Variants in GSE1 observed in about 807,000 individuals in gnomAD.
GSE1 encodes genetic suppressor element 1.
Under a neutral mutation model 112.6 loss-of-function variants are expected in GSE1, and 32 were observed. That is an observed-to-expected ratio of 0.28 (90% CI 0.21 to 0.38). The LOEUF is 0.38. Among genes scored for constraint, GSE1 ranks in the 10% least tolerant of loss-of-function variants. The pLI, the probability that GSE1 is intolerant of heterozygous loss-of-function variation, is 1.00. For synonymous variants in GSE1, 1,115 were observed against 735.6 expected (o/e 1.52, Z -8.35); for missense variants, 2,348 against 1,699.2 (o/e 1.38, Z -6.71).
chr16:85,223,998 T>C (rs1359607386), intron 1 of GSE1, among the ~76,000 whole-genome samples: 3 of 152,012 alleles, frequency 2.0e-5, no homozygotes, highest in Non-Finnish European at 4.4e-5. Context: ...TCCAGAACTT[T>C]TATCATCACC....
intron 1 of GSE1, among the ~76,000 whole-genome samples, chr16:85,309,908 G>T (rs895877574): frequency 1.3e-5 from 2 of 151,952 alleles, no homozygotes; most frequent in Non-Finnish European, 2.9e-5. Context: ...ACCCCCTCAC[G>T]CCCCAGCTCA....
chr16:85,517,649 C>T (rs999168967), intron 2 of GSE1, among the ~76,000 whole-genome samples: 40 of 152,224 alleles, frequency 2.6e-4, no homozygotes, highest in African/African-American at 9.4e-4. Context: ...CCTCCAGCCC[C>T]GGCAGCCTTT....
Position 85,536,648 on chromosome 16 carries a change from T to C in GSE1, c.2465-97266T>C, listed in dbSNP as rs543563473. 5.2e-3 allele frequency among the ~76,000 whole-genome samples: 791 copies of C among 152,362 alleles called. 9 individuals carry two copies. Among genetic ancestry groups the C allele is most frequent in the African/African-American group, 0.018 (738 of 41,592 alleles). Reference sequence around the variant, plus strand: ...GTACCGCGAGGCCACGGGCCCTGCATGGCAGTGGCTTGGAACCCAGGCCCT... The same window carrying C: ...GTACCGCGAGGCCACGGGCCCTGCACGGCAGTGGCTTGGAACCCAGGCCCT... On this transcript the variant is annotated intron_variant, in intron 2 of 2. Transcript: ENST00000637419.
At chr16:85,331,353 G>GTATA (rs1567692446) in intron 1 of GSE1, among the ~76,000 whole-genome samples, 3 of 71,778 alleles carry the variant, frequency 4.2e-5, no homozygotes, top group Admixed American at 1.6e-4. Flanking sequence ...GTGTGTGTGT[G>GTATA]TGTGTGTGTG....
chr16:85,212,204 G>A (rs372836028), intron 1 of GSE1, among the ~76,000 whole-genome samples: 6 of 152,198 alleles, frequency 3.9e-5, no homozygotes, highest in African/African-American at 1.4e-4. Flanking sequence ...TCAGGAGATC[G>A]AGACCAGCCT....
At chr16:85,175,571 C>T (rs1023166903) in intron 1 of GSE1, among the ~76,000 whole-genome samples, 12 of 152,210 alleles carry the variant, frequency 7.9e-5, no homozygotes, top group African/African-American at 7.2e-5. Context: ...CCCTTCCCCC[C>T]GCCCCCGTGA....
chr16:85,388,055 G>T lies in GSE1; in HGVS notation c.2464+30412G>T, dbSNP rs573239186. On this transcript the variant is annotated intron_variant, in intron 2 of 2. Transcript: ENST00000637419. ...GGATGAACAGATGGATGGGTGGGTA[G>T]ATGGGTGAGTGGATGGGTGGGTGGA... 1.6e-4 allele frequency among the ~76,000 whole-genome samples: 23 copies of T among 148,266 alleles called. 1 individual carries two copies. The South Asian group carries it at 4.8e-3, about 31-fold the overall frequency.
At chr16:85,315,255 C>G (rs1452524221) in intron 1 of GSE1, among the ~76,000 whole-genome samples, 1 of 152,180 alleles carries the variant, frequency 6.6e-6, no homozygotes, top group Admixed American at 6.5e-5. Flanking sequence ...ACAGCTCTGC[C>G]CCGTCTTCAC....
At chr16:85,648,028 G>T (rs1483677188) in intron 2 of GSE1, among the ~76,000 whole-genome samples, 3 of 151,858 alleles carry the variant, frequency 2.0e-5, no homozygotes, top group African/African-American at 4.8e-5. Context: ...GAGGCTTGGG[G>T]TCTCTGCTGC....
intron 1 of GSE1, among the ~76,000 whole-genome samples, chr16:85,632,372 G>GCAGTGCCCCCAGCCCTTCCCT (rs1204409277): frequency 5.9e-5 from 9 of 152,086 alleles, no homozygotes; most frequent in African/African-American, 1.7e-4. Context: ...CCTCTCTCAG[G>GCAGTGCCCCCAGCCCTTCCCT]CAGTGCCCCC....
intron 2 of GSE1, among the ~76,000 whole-genome samples, chr16:85,411,112 C>G (rs78151963): frequency 0.047 from 3,135 of 66,332 alleles, no homozygotes; most frequent in South Asian, 0.086. Flanking sequence ...TACACTCAGG[C>G]CCCCCGGATA....
chr16:85,555,220 C>G (rs918820584), upstream of GSE1: 26 of 985,268 alleles, frequency 2.6e-5, no homozygotes, highest in African/African-American at 2.8e-4. Flanking sequence ...GATAATGATT[C>G]TTGCATGAAA....
At chr16:85,345,170 A>G (rs1464630924) in intron 1 of GSE1, among the ~76,000 whole-genome samples, 3 of 142,076 alleles carry the variant, frequency 2.1e-5, no homozygotes, top group South Asian at 2.3e-4. Flanking sequence ...TGGATGGCCC[A>G]TGAGCTAAGA....
intron 1 of GSE1, among the ~76,000 whole-genome samples, chr16:85,284,679 G>C (rs770608467): frequency 6.6e-6 from 1 of 152,170 alleles, no homozygotes; most frequent in African/African-American, 2.4e-5. Context: ...GTCCACAGTA[G>C]GATGTGATCG....
At chr16:85,371,026 G>A (rs375486984) in intron 2 of GSE1, among the ~76,000 whole-genome samples, 1 of 152,330 alleles carries the variant, frequency 6.6e-6, no homozygotes, top group Admixed American at 6.5e-5. Context: ...CCACACCCTC[G>A]CGCTCTCTTC....
intron 1 of GSE1, among the ~76,000 whole-genome samples, chr16:85,288,583 T>C (rs1046053451): frequency 3.3e-5 from 5 of 152,194 alleles, no homozygotes; most frequent in African/African-American, 1.2e-4. Context: ...AAGCCTCTGA[T>C]CTGAAGGAGC....
chr16:85,626,633 C>T (rs985624455), intron 1 of GSE1, among the ~76,000 whole-genome samples: 1 of 152,136 alleles, frequency 6.6e-6, no homozygotes, highest in Non-Finnish European at 1.5e-5. Flanking sequence ...GGGGAAGGGG[C>T]GGATTGGTGC....
At chr16:85,339,178 C>A (rs1014185051) in intron 1 of GSE1, among the ~76,000 whole-genome samples, 1 of 152,174 alleles carries the variant, frequency 6.6e-6, no homozygotes, top group Non-Finnish European at 1.5e-5. Flanking sequence ...TAGCCAGGCC[C>A]GTAGTAGTTC....
intron 1 of GSE1, among the ~76,000 whole-genome samples, chr16:85,602,474 G>A (rs924498785): frequency 6.6e-6 from 1 of 152,080 alleles, no homozygotes; most frequent in African/African-American, 2.4e-5. Flanking sequence ...TTCTAGAACC[G>A]CTCCTGGTCT....
Sources: allele counts gnomAD v4.1 joint callset (sites outside exome capture counted in the v4.1 genomes callset), GRCh38; gene constraint gnomAD v4.1.1; transcripts MANE v1.5; gene names NCBI Gene and HGNC (gene_info 2026-07-23, HGNC 2026-07-21).